NCOR2: variants seen among roughly 807,000 people sequenced by gnomAD.
NCOR2 encodes the protein CTG repeat protein 26.
Under a neutral mutation model 262.9 loss-of-function variants are expected in NCOR2, and 81 were observed. The observed-to-expected ratio is 0.31, with a 90% confidence interval of 0.26 to 0.37. The LOEUF is 0.37. Ranked by LOEUF, NCOR2 falls within the 10% of genes least tolerant of loss-of-function variation. The pLI is 1.00. For synonymous variants in NCOR2, 1,659 were observed against 1,559.3 expected (o/e 1.06, Z -1.51); for missense variants, 3,385 against 3,621.4 (o/e 0.93, Z 1.68).
At chr12:124,416,279 A>C (rs895571053) in intron 13 of NCOR2, among the ~76,000 whole-genome samples, 2 of 152,220 alleles carry the variant, frequency 1.3e-5, no homozygotes, top group African/African-American at 4.8e-5. Context: ...AAAGAGGGTC[A>C]CATAATCTCC....
intron 1 of NCOR2, among the ~76,000 whole-genome samples, chr12:124,525,502 T>C (rs542785828): frequency 3.2e-4 from 48 of 152,378 alleles, no homozygotes; most frequent in African/African-American, 1.1e-3. Flanking sequence ...TGTTTGCTGT[T>C]TGCCATCCCC....
chr12:124,483,559 G>A lies in NCOR2; in HGVS notation c.411+37C>T. ...AGCCCAACCAGCAGCAGAACCTCAA[G>A]CGGGAGAGGAGCTCCCAGCTGGGGG... On this transcript the variant is annotated intron_variant, in intron 3 of 46. Transcript: ENST00000405201. This position sits in a 1 kb window ranked among gnomAD's most constrained non-coding sequence, Gnocchi z 6.3. The A allele has an allele frequency of 6.7e-7, 1 of 1,493,408 alleles. No individual in the cohort carries two copies. Among genetic ancestry groups the A allele is most frequent in the Non-Finnish European group, 8.9e-7 (1 of 1,118,234 alleles). The allele number at this position is 1,493,408 out of a possible 1,614,324, so 92.5% of individuals were successfully genotyped here.
Position 124,503,627 on chromosome 12 carries a change from GAT to G in NCOR2, c.-117-8261_-117-8260del, listed in dbSNP as rs2048874913. On this transcript the variant is annotated intron_variant, in intron 1 of 46. Coordinates refer to the NCOR2 transcript ENST00000404621. The surrounding 1 kb of genome is among the most constrained non-coding windows in gnomAD (Gnocchi z 4.3). ...GGACGGACGGACGGATGGATGGATG[GAT>G]GGATGGGCGAATGGATGGATGGATG... Among the ~76,000 whole-genome samples, 1 of 151,090 alleles carries G rather than the reference GAT, an allele frequency of 6.6e-6. No individual in the cohort carries two copies. Among genetic ancestry groups the G allele is most frequent in the African/African-American group, 2.4e-5 (1 of 41,042 alleles).
chr12:124,327,864 T>C (rs897977845), intron 44 of NCOR2, among the ~76,000 whole-genome samples: 5 of 151,958 alleles, frequency 3.3e-5, no homozygotes, highest in African/African-American at 1.2e-4. Context: ...TGGTTCCTTC[T>C]ACCTGGGGCC....
exon 41 of NCOR2, chr12:124,334,505 C>A: frequency 1.4e-6 from 2 of 1,439,416 alleles, no homozygotes; most frequent in Non-Finnish European, 1.8e-6. Flanking sequence ...ACTGGGTGGG[C>A]GGCGGAGGTC....
chr12:124,336,601 G>T (rs1171168039), intron 38 of NCOR2, 152 bp downstream of exon 40: 1 of 1,452,714 alleles, frequency 6.9e-7, no homozygotes, highest in Non-Finnish European at 9.0e-7. Flanking sequence ...AATATCTTTG[G>T]ACCACGAGAC....
chr12:124,529,870 T>C (rs567964555), intron 1 of NCOR2: 19 of 152,372 alleles, frequency 1.2e-4, no homozygotes, highest in African/African-American at 4.3e-4. Context: ...CAGGTGGGCA[T>C]GCAAAATGGG....
chr12:124,415,040 G>A (rs1025529625), intron 13 of NCOR2, among the ~76,000 whole-genome samples: 1 of 152,212 alleles, frequency 6.6e-6, no homozygotes, highest in Non-Finnish European at 1.5e-5. Context: ...GCACAGGGCA[G>A]TGGCTCCCCA....
rs559717846 is a variant in NCOR2 at position 124,466,141 on chromosome 12, G to C, written c.705+32C>G. ...TGTGAAGCGCCTCATGGCCAGCACC[G>C]GGGGGCAGCAGGCCAGGGCGGGGAC... On this transcript the variant is annotated intron_variant, in intron 5 of 46. Coordinates refer to ENST00000405201, the Ensembl canonical transcript of NCOR2. 3.2e-6 allele frequency: 5 copies of C among 1,567,992 alleles called. No individual in the cohort carries two copies. In the Admixed American group the frequency reaches 7.1e-5, roughly 22 times the overall value.
intron 19 of NCOR2, among the ~76,000 whole-genome samples, chr12:124,373,188 A>G: frequency 6.6e-6 from 1 of 152,282 alleles, no homozygotes; most frequent in Non-Finnish European, 1.5e-5. Flanking sequence ...GACAGTGTAG[A>G]ATGCGCTCAG....
At chr12:124,341,794 C>T (rs1230829196) in intron 34 of NCOR2, 29 bp downstream of exon 36, 2 of 1,577,654 alleles carry the variant, frequency 1.3e-6, no homozygotes, top group Admixed American at 1.7e-5. Context: ...AGGCCAAACC[C>T]AGCGGAGGTG....
intron 8 of NCOR2, among the ~76,000 whole-genome samples, chr12:124,431,391 C>G (rs898006359): frequency 4.6e-5 from 7 of 150,794 alleles, no homozygotes; most frequent in Admixed American, 2.6e-4. Context: ...ATGGCAGACA[C>G]ACAGACAGAT....
In NCOR2 at chr12:124,388,802, G is replaced by T. The variant is rs936334293; in HGVS notation, c.1877-2915C>A. 6 of 1,300,670 alleles carry T rather than the reference G, an allele frequency of 4.6e-6. No homozygotes were observed. In the African/African-American group the frequency reaches 7.6e-5, roughly 16 times the overall value. The allele number at this position is 1,300,670 out of a possible 1,614,324, so 80.6% of individuals were successfully genotyped here. ...GCTGGGCGGCCGCGGTCGGCTCTGC[G>T]AGGCTGCTGGTTGGCGTCTGCTGGC... is the stretch of plus-strand genomic sequence containing the variant. On this transcript the variant is annotated intron_variant, in intron 16 of 46. Transcript: ENST00000405201.
chr12:124,439,737 CAGAG>C (rs138274603), intron 7 of NCOR2, among the ~76,000 whole-genome samples: 5 of 146,454 alleles, frequency 3.4e-5, no homozygotes, highest in East Asian at 2.0e-4. Context: ...AAGAGAGGAT[CAGAG>C]AGAGAGAGAG....
chr12:124,336,644 C>T (rs2035934135), intron 38 of NCOR2, 109 bp downstream of exon 40: 1 of 1,512,326 alleles, frequency 6.6e-7, no homozygotes, highest in African/African-American at 1.4e-5. Flanking sequence ...CTTACCATCG[C>T]GAGGGGAGCC....
rs1331878975 is a variant in NCOR2 at position 124,481,099 on chromosome 12, G to A, written c.411+2497C>T. Among the ~76,000 whole-genome samples the A allele has an allele frequency of 6.6e-6, 1 of 151,828 alleles. No homozygotes were observed. The highest frequency in any genetic ancestry group is 1.5e-5 in the Non-Finnish European group (1 of 67,930). On this transcript the variant is annotated intron_variant, in intron 3 of 46. Transcript: ENST00000405201. The surrounding 1 kb of genome is among the most constrained non-coding windows in gnomAD (Gnocchi z 4.6). ...GAGATGGCAGGAGCTGAGGAAGCAGGGGGTGAAGGGGAGTGAGCAGGACAG... is the reference window on the plus strand; with the variant it reads ...GAGATGGCAGGAGCTGAGGAAGCAGAGGGTGAAGGGGAGTGAGCAGGACAG...
chr12:124,385,723 T>C, intron 17 of NCOR2, 22 bp downstream of exon 19: 11 of 1,612,012 alleles, frequency 6.8e-6, no homozygotes, highest in Non-Finnish European at 8.5e-6. Context: ...AGAGGCGCGG[T>C]GCAGCGTGAC....
At chr12:124,434,125 G>C (rs1169987381) in intron 8 of NCOR2, among the ~76,000 whole-genome samples, 1 of 152,134 alleles carries the variant, frequency 6.6e-6, no homozygotes, top group Non-Finnish European at 1.5e-5. Flanking sequence ...TGCTGGTGCT[G>C]AGGATCCCAT....
At chr12:124,469,714 G>A (rs904682841) in intron 4 of NCOR2, among the ~76,000 whole-genome samples, 3 of 152,154 alleles carry the variant, frequency 2.0e-5, no homozygotes, top group Non-Finnish European at 4.4e-5. Flanking sequence ...ACCTCATAAG[G>A]TTGTTTGGAA....
Sources: gnomAD v4.1 joint callset for allele counts (sites outside exome capture counted in the v4.1 genomes callset) on GRCh38, gnomAD v4.1.1 for gene constraint, Gnocchi (gnomAD v3.1) non-coding constraint, MANE v1.5 for transcripts, NCBI Gene and HGNC (gene_info 2026-07-23, HGNC 2026-07-21) for gene names.